Variants in DTX1 observed in about 807,000 individuals in gnomAD.
DTX1 encodes the protein E3 ubiquitin-protein ligase DTX1.
In DTX1, 26 loss-of-function variants were observed where a neutral mutation model predicts 57.8. That is an observed-to-expected ratio of 0.45 (90% CI 0.33 to 0.62). The LOEUF (loss-of-function observed/expected upper bound fraction) is 0.62. DTX1 is among the 20% of genes least tolerant of loss of function. The probability of loss-of-function intolerance (pLI) is 0.02; values close to 1 mark genes in which losing one functional copy is unlikely to be tolerated. For synonymous variants in DTX1, 398 were observed against 394.1 expected (o/e 1.01, Z -0.12); for missense variants, 704 against 895.3 (o/e 0.79, Z 2.73).
Position 113,057,908 on chromosome 12 carries a change from G to C in DTX1, c.-285G>C. The stretch of plus-strand genomic sequence containing the variant: ...TACCTGAGCCAGCCGAGGGGGCCAA[G>C]GACTTTAGAGCTGTTTCCTCCGGCA... On this transcript the variant is annotated 5_prime_UTR_variant, in exon 2 of 10. Transcript: ENST00000548759. 2.2e-6 allele frequency: 1 copy of C among 456,666 alleles called. No individual in the cohort carries two copies. Among genetic ancestry groups the C allele is most frequent in the Non-Finnish European group, 3.8e-6 (1 of 261,768 alleles). The allele number at this position is 456,666 out of a possible 1,614,324, so 28.3% of individuals were successfully genotyped here. A position where few individuals can be genotyped will look rare whatever the true frequency, so the allele number is the denominator to read the frequency against.
At chr12:113,076,489 C>G (rs1033442632) in intron 2 of DTX1, among the ~76,000 whole-genome samples, 1 of 146,776 alleles carries the variant, frequency 6.8e-6, no homozygotes, top group Admixed American at 6.8e-5. Context: ...TGGGGCCGGT[C>G]ATGGTGGCTC....
At chr12:113,087,923 G>C (rs567052634) in intron 3 of DTX1, among the ~76,000 whole-genome samples, 1 of 152,160 alleles carries the variant, frequency 6.6e-6, no homozygotes. Context: ...CCCTCTAGGG[G>C]ACAGAGAGAG....
chr12:113,087,868 T>C (rs910438702), intron 3 of DTX1, among the ~76,000 whole-genome samples: 5 of 152,104 alleles, frequency 3.3e-5, no homozygotes, highest in Non-Finnish European at 7.4e-5. Context: ...GGGACTTGGC[T>C]GCCCTAAAGG....
At chr12:113,067,240 G>A (rs2044709770) in intron 2 of DTX1, among the ~76,000 whole-genome samples, 1 of 151,896 alleles carries the variant, frequency 6.6e-6, no homozygotes, top group Non-Finnish European at 1.5e-5. Flanking sequence ...AGCACGGTAA[G>A]AGGAAGCACA....
intron 2 of DTX1, among the ~76,000 whole-genome samples, chr12:113,064,227 G>A (rs949936883): frequency 6.6e-6 from 1 of 152,148 alleles, no homozygotes; most frequent in East Asian, 1.9e-4. Context: ...TATGTGTAGG[G>A]GCAGGGAGCG....
At chr12:113,084,414 C>T (rs948368291) in intron 3 of DTX1, among the ~76,000 whole-genome samples, 3 of 152,158 alleles carry the variant, frequency 2.0e-5, no homozygotes, top group African/African-American at 7.2e-5. Context: ...GAGACAGGGT[C>T]TCACTCCGTC....
At chr12:113,058,521 A>G in intron 2 of DTX1, 70 bp downstream of exon 2, 1 of 1,524,044 alleles carries the variant, frequency 6.6e-7, no homozygotes, top group Non-Finnish European at 8.8e-7. Context: ...AGGATGCTGA[A>G]AATCCCAGTA....
At chr12:113,063,705 G>A (rs2044681760) in intron 2 of DTX1, among the ~76,000 whole-genome samples, 2 of 152,334 alleles carry the variant, frequency 1.3e-5, no homozygotes, top group Admixed American at 1.3e-4. Context: ...CTGGTTCTGG[G>A]ATCTTCCAGC....
chr12:113,063,056 C>T (rs532516292), intron 2 of DTX1, among the ~76,000 whole-genome samples: 6 of 152,312 alleles, frequency 3.9e-5, no homozygotes. Context: ...AGGGATGGGT[C>T]GCTTGCTCGC....
rs2044641194 is a variant in DTX1 at position 113,058,074 on chromosome 12, G to A, written c.-119G>A. On this transcript the variant is annotated 5_prime_UTR_variant, in exon 2 of 10. Coordinates refer to ENST00000548759, the MANE Select transcript of DTX1 (RefSeq NM_004416.3). The stretch of plus-strand genomic sequence containing the variant: ...CTCAGAGAGAACCCAGAGTTAGAAA[G>A]GAGGCCAGACGGTCCTTGCTGTCCC... 1.4e-6 allele frequency: 2 copies of A among 1,421,362 alleles called. No homozygotes were observed. Among genetic ancestry groups the A allele is most frequent in the Non-Finnish European group, 1.8e-6 (2 of 1,084,248 alleles). The allele number at this position is 1,421,362 out of a possible 1,614,324, so 88.0% of individuals were successfully genotyped here.
chr12:113,078,408 A>G (rs1246597998), intron 3 of DTX1, among the ~76,000 whole-genome samples: 1 of 152,220 alleles, frequency 6.6e-6, no homozygotes, highest in Admixed American at 6.5e-5. Context: ...GGGCCATAAT[A>G]GCAACATCAG....
intron 2 of DTX1, among the ~76,000 whole-genome samples, chr12:113,058,851 C>T (rs2044648345): frequency 6.6e-6 from 1 of 152,172 alleles, no homozygotes; most frequent in Admixed American, 6.5e-5. Flanking sequence ...GAATCACAGG[C>T]AGTAAGTCTG....
At position 113,078,091 on chromosome 12, in the gene DTX1, C is replaced by T; in HGVS notation, c.927C>T (p.Ala309=). Residue 309 remains alanine (A), a synonymous_variant, in exon 3 of 10, where the codon GCC becomes GCT. Transcript: ENST00000548759. ...GCACCACCAGCGTGAGCGCGCGCGC[C>T]TCCATCCCGCCGGGGTAAGACGGGG... ...PQRTTSVSAR[A]SIPPGVPALP... The T allele has an allele frequency of 7.1e-7, 1 of 1,398,628 alleles. No homozygotes were observed. Among genetic ancestry groups the T allele is most frequent in the Non-Finnish European group, 9.3e-7 (1 of 1,076,176 alleles). The allele number at this position is 1,398,628 out of a possible 1,614,324, so 86.6% of individuals were successfully genotyped here.
At position 113,095,314 on chromosome 12, in the gene DTX1, C is replaced by T; in HGVS notation, c.1549-11C>T. The T allele has an allele frequency of 1.2e-6, 2 of 1,614,030 alleles. No homozygotes were observed. The highest frequency in any genetic ancestry group is 1.7e-6 in the Non-Finnish European group (2 of 1,179,900). ...TCATGGTCTAAATCCCTGTACTGTC[C>T]CTCTCTGCAGGGCCCTGAGCACCCC... On this transcript the variant is annotated splice_polypyrimidine_tract_variant and intron_variant, in intron 8 of 9. Transcript: ENST00000548759.
In DTX1 at chr12:113,093,659, C is replaced by A; in HGVS notation, c.1124C>A (p.Pro375His). The change falls in exon 5 of 10, where the codon CCC (proline) becomes CAC (histidine). Residue 375 changes from proline to histidine, a missense_variant. Coordinates refer to ENST00000548759, the MANE Select transcript of DTX1 (RefSeq NM_004416.3). This position sits in a 1 kb window ranked among gnomAD's most constrained non-coding sequence, Gnocchi z 4.2. The stretch of plus-strand genomic sequence containing the variant: ...GACGTGAAGCCCGTGCCTGGCGTGC[C>A]CGGGGTGTGCCGCAAGACCAAGAAG... ...KSDVKPVPGVPGVCRKTKKKH... is the reference protein window; with the variant it reads ...KSDVKPVPGVHGVCRKTKKKH... The A allele has an allele frequency of 1.2e-6, 2 of 1,613,758 alleles. No homozygotes were observed. The highest frequency in any genetic ancestry group is 1.7e-6 in the Non-Finnish European group (2 of 1,179,938).
chr12:113,063,673 A>G (rs530758286), intron 2 of DTX1, among the ~76,000 whole-genome samples: 1 of 152,364 alleles, frequency 6.6e-6, no homozygotes, highest in South Asian at 2.1e-4. Flanking sequence ...GCTGGCCAAC[A>G]GGCTGGAGTG....
At chr12:113,085,511 G>T (rs1397726841) in intron 3 of DTX1, among the ~76,000 whole-genome samples, 1 of 152,166 alleles carries the variant, frequency 6.6e-6, no homozygotes. Context: ...GCCATGAGTG[G>T]TTCCTTCTTT....
In DTX1 at chr12:113,093,524, C is replaced by A; in HGVS notation, c.1004-15C>A. On this transcript the variant is annotated splice_polypyrimidine_tract_variant and intron_variant, in intron 4 of 9. Coordinates refer to ENST00000548759, the MANE Select transcript of DTX1 (RefSeq NM_004416.3). This position sits in a 1 kb window ranked among gnomAD's most constrained non-coding sequence, Gnocchi z 4.2. The stretch of plus-strand genomic sequence containing the variant: ...GATGGCGCCCCGCCCTGTGACTGCG[C>A]CCCCTAACCCCCAGGGATGACCGGG... 6.3e-7 allele frequency: 1 copy of A among 1,584,428 alleles called. No individual in the cohort carries two copies. Among genetic ancestry groups the A allele is most frequent in the Non-Finnish European group, 8.6e-7 (1 of 1,164,278 alleles).
intron 3 of DTX1, among the ~76,000 whole-genome samples, chr12:113,088,060 G>T (rs995699781): frequency 2.0e-5 from 3 of 152,200 alleles, no homozygotes; most frequent in African/African-American, 7.2e-5. Context: ...TCTCTAGGCT[G>T]GCTCAACTCC....
Sources: allele counts gnomAD v4.1 joint callset (sites outside exome capture counted in the v4.1 genomes callset), GRCh38; gene constraint gnomAD v4.1.1; non-coding constraint Gnocchi (gnomAD v3.1); transcripts MANE v1.5; gene names NCBI Gene and HGNC (gene_info 2026-07-23, HGNC 2026-07-21).